The following SNX7 variants were observed in gnomAD, a reference collection of about 807,000 sequenced individuals.
SNX7 encodes the protein sorting nexin 7.
SNX7 carries 35 observed loss-of-function variants against 48.4 expected under a neutral mutation model. That is an observed-to-expected ratio of 0.72 (90% confidence interval 0.55 to 0.96). The LOEUF (loss-of-function observed/expected upper bound fraction) is 0.96, where lower values mean the gene tolerates loss of function less well. Among genes scored for constraint, SNX7 ranks in the 40% least tolerant of loss-of-function variants. SNX7 has a pLI of 0.00. For missense variants in SNX7, 553 were observed against 548.9 expected (o/e 1.01, Z -0.07); for synonymous variants, 190 against 190.2 (o/e 1.00, Z 0.01).
At chr1:98,715,458 C>A (rs1005973331) in intron 7 of SNX7, among the ~76,000 whole-genome samples, 1 of 152,174 alleles carries the variant, frequency 6.6e-6, no homozygotes, top group Non-Finnish European at 1.5e-5. Context: ...AAAAGTCACT[C>A]TTTTTCCAAT....
At chr1:98,718,126 G>T (rs148194503) in intron 7 of SNX7, among the ~76,000 whole-genome samples, 2 of 152,046 alleles carry the variant, frequency 1.3e-5, no homozygotes, top group Admixed American at 6.6e-5. Context: ...CAAATGTAAG[G>T]CTTCCCTAAC....
At chr1:98,697,239 C>T (rs1234056211) in intron 5 of SNX7, among the ~76,000 whole-genome samples, 1 of 152,024 alleles carries the variant, frequency 6.6e-6, no homozygotes, top group Non-Finnish European at 1.5e-5. Flanking sequence ...GGAAGGACTA[C>T]AGAGGTGATT....
chr1:98,739,316 A>C (rs887875628), intron 8 of SNX7, among the ~76,000 whole-genome samples: 2 of 152,172 alleles, frequency 1.3e-5, no homozygotes, highest in African/African-American at 4.8e-5. Context: ...GACCAGTACC[A>C]GTCCATGGCC....
intron 1 of SNX7, among the ~76,000 whole-genome samples, chr1:98,667,602 G>A (rs962073732): frequency 2.0e-5 from 3 of 151,212 alleles, no homozygotes; most frequent in African/African-American, 4.9e-5. Flanking sequence ...GGCTGGTCTC[G>A]AATTCCTGAC....
chr1:98,667,112 C>G (rs1649575822), intron 1 of SNX7, among the ~76,000 whole-genome samples: 1 of 152,116 alleles, frequency 6.6e-6, no homozygotes, highest in African/African-American at 2.4e-5. Context: ...AACCAGTGAG[C>G]ATAATAAAAT....
At chr1:98,666,300 G>C (rs1649534977) in intron 1 of SNX7, among the ~76,000 whole-genome samples, 1 of 152,202 alleles carries the variant, frequency 6.6e-6, no homozygotes, top group Non-Finnish European at 1.5e-5. Context: ...AGCTTTAAAG[G>C]GACAAGAAAT....
At chr1:98,758,755 T>C (rs1033980020) in intron 8 of SNX7, among the ~76,000 whole-genome samples, 46 of 152,048 alleles carry the variant, frequency 3.0e-4, no homozygotes, top group African/African-American at 1.1e-3. Context: ...ATTAGGTCTT[T>C]CAGTGTTTTA....
At chr1:98,753,727 G>A (rs545491354) in intron 8 of SNX7, among the ~76,000 whole-genome samples, 46 of 152,138 alleles carry the variant, frequency 3.0e-4, no homozygotes, top group African/African-American at 1.1e-3. Context: ...GTAGAAAGAT[G>A]GTTTGCAAAG....
rs1655047551 is a variant in SNX7 at position 98,760,231 on chromosome 1, G to A, written c.*100G>A. 3 of 911,266 alleles carry A rather than the reference G, an allele frequency of 3.3e-6. No individual in the cohort carries two copies. In the South Asian group the frequency reaches 4.5e-5, roughly 14 times the overall value. 56.4% of individuals were successfully genotyped at this position (911,266 alleles called of 1,614,324 possible). ...TGTCCTTATAAAGTGGATGAAAAAT[G>A]TTTTGTACCCATCTGGAAAACCAAC... is the stretch of plus-strand genomic sequence containing the variant. On this transcript the variant is annotated 3_prime_UTR_variant, in exon 9 of 9. Transcript: ENST00000306121.
chr1:98,748,876 A>T (rs1440610127), intron 8 of SNX7, among the ~76,000 whole-genome samples: 1 of 152,046 alleles, frequency 6.6e-6, no homozygotes, highest in African/African-American at 2.4e-5. Flanking sequence ...TCTTTAGGAG[A>T]ATAAAACTGG....
At chr1:98,692,410 G>T (rs1438610009) in intron 4 of SNX7, among the ~76,000 whole-genome samples, 1 of 152,078 alleles carries the variant, frequency 6.6e-6, no homozygotes, top group Admixed American at 6.5e-5. Flanking sequence ...TCAGTCTATG[G>T]TACTTAGCAA....
chr1:98,709,287 C>G (rs1254156878), intron 7 of SNX7, among the ~76,000 whole-genome samples: 2 of 152,150 alleles, frequency 1.3e-5, no homozygotes, highest in Non-Finnish European at 2.9e-5. Flanking sequence ...AAAGTGTTAA[C>G]TGCAGTCCTG....
intron 5 of SNX7, among the ~76,000 whole-genome samples, chr1:98,697,220 G>A (rs1161429836): frequency 6.6e-6 from 1 of 152,074 alleles, no homozygotes; most frequent in Non-Finnish European, 1.5e-5. Flanking sequence ...GATCAGGAAG[G>A]TGGAGTTTGG....
At chr1:98,727,273 G>A (rs1653228381) in intron 7 of SNX7, among the ~76,000 whole-genome samples, 1 of 152,118 alleles carries the variant, frequency 6.6e-6, no homozygotes, top group South Asian at 2.1e-4. Flanking sequence ...AACCACAGCA[G>A]CCCTGTAGAA....
rs1401058162 is a variant in SNX7 at position 98,663,252 on chromosome 1, GGTTTTTTTTTTTTTT to G, written c.180+1342_180+1356del. ...ATCAGAATCATCAGGGTTTCTTTCT[GGTTTTTTTTTTTTTT>G]TTTTTTTTTTTTTTTTTTTTTTTTT... On this transcript the variant is annotated intron_variant, in intron 1 of 8. Coordinates refer to ENST00000306121, the MANE Select transcript of SNX7 (RefSeq NM_015976.5). Among the ~76,000 whole-genome samples, 26 of 83,182 alleles carry G rather than the reference GGTTTTTTTTTTTTTT, an allele frequency of 3.1e-4. 3 individuals carry two copies. Among genetic ancestry groups the G allele is most frequent in the African/African-American group, 1.2e-3 (22 of 18,274 alleles). The allele number at this position is 83,182 out of a possible 152,430, so 54.6% of individuals were successfully genotyped here. A position where few individuals can be genotyped will look rare whatever the true frequency, so the allele number is the denominator to read the frequency against.
In SNX7 at chr1:98,691,937, ACTCTCTCTCTCT is replaced by A. The variant is rs59743636; in HGVS notation, c.639+257_639+268del. On this transcript the variant is annotated intron_variant, in intron 4 of 8. Coordinates refer to ENST00000306121, the MANE Select transcript of SNX7 (RefSeq NM_015976.5). Reference sequence around the variant, plus strand: ...TATACACACACACACACACACACACACTCTCTCTCTCTCTCTCTCTCTCTCTCTCTAATGTTT... The same window carrying A: ...TATACACACACACACACACACACACACTCTCTCTCTCTCTCTCTAATGTTT... Among the ~76,000 whole-genome samples the A allele has an allele frequency of 6.8e-3, 895 of 131,172 alleles. 17 individuals are homozygous for A. Among genetic ancestry groups the A allele is most frequent in the African/African-American group, 0.024 (863 of 36,338 alleles). 86.1% of individuals were successfully genotyped at this position (131,172 alleles called of 152,430 possible).
chr1:98,709,545 A>G, intron 7 of SNX7, among the ~76,000 whole-genome samples: 1 of 152,202 alleles, frequency 6.6e-6, no homozygotes, highest in African/African-American at 2.4e-5. Flanking sequence ...TTTAAGGAGA[A>G]CCATAAATCT....
At chr1:98,667,878 T>A (rs1649622519) in intron 1 of SNX7, among the ~76,000 whole-genome samples, 1 of 151,078 alleles carries the variant, frequency 6.6e-6, no homozygotes. Flanking sequence ...CCTGATCTTG[T>A]CTTAGTGGGC....
chr1:98,758,078 C>T (rs1263934836), intron 8 of SNX7, among the ~76,000 whole-genome samples: 2 of 151,976 alleles, frequency 1.3e-5, no homozygotes, highest in African/African-American at 4.8e-5. Context: ...AGTTTGTGGG[C>T]TGTGTGCTAG....
Sources: gnomAD v4.1 joint callset for allele counts (sites outside exome capture counted in the v4.1 genomes callset) on GRCh38, gnomAD v4.1.1 for gene constraint, MANE v1.5 for transcripts, NCBI Gene and HGNC (gene_info 2026-07-23, HGNC 2026-07-21) for gene names.